ZNF407: variants seen among roughly 807,000 people sequenced by gnomAD.
ZNF407 encodes the protein zinc finger protein 407.
Under a neutral mutation model 131.2 loss-of-function variants are expected in ZNF407, and 17 were observed. That is an observed-to-expected ratio of 0.13 (90% CI 0.09 to 0.19). The LOEUF (loss-of-function observed/expected upper bound fraction) is 0.19. Among genes scored for constraint, ZNF407 ranks in the 10% least tolerant of loss-of-function variants. The pLI is 1.00. For synonymous variants in ZNF407, 1,156 were observed against 1,062.0 expected (o/e 1.09, Z -1.72); for missense variants, 2,681 against 2,830.6 (o/e 0.95, Z 1.20).
At chr18:74,958,142 A>G (rs980737331) in intron 8 of ZNF407, among the ~76,000 whole-genome samples, 1 of 152,176 alleles carries the variant, frequency 6.6e-6, no homozygotes, top group Non-Finnish European at 1.5e-5. Context: ...TTGAGTATTC[A>G]TTCCTTCATT....
chr18:74,911,534 T>A (rs1471173895), intron 7 of ZNF407, among the ~76,000 whole-genome samples: 1 of 152,196 alleles, frequency 6.6e-6, no homozygotes, highest in Non-Finnish European at 1.5e-5. Context: ...ATTCAACTGT[T>A]TTGTGTTGTT....
intron 3 of ZNF407, among the ~76,000 whole-genome samples, chr18:74,772,922 G>A (rs903424982): frequency 2.6e-5 from 4 of 152,154 alleles, no homozygotes; most frequent in Non-Finnish European, 2.9e-5. Flanking sequence ...AATTGATGAT[G>A]TATGAACATG....
At chr18:74,706,940 CTTTTTTTTTTTTTTTT>C (rs34700805) in intron 3 of ZNF407, among the ~76,000 whole-genome samples, 8 of 132,338 alleles carry the variant, frequency 6.0e-5, no homozygotes, top group Non-Finnish European at 4.8e-5. Flanking sequence ...AAGACAGCAG[CTTTTTTTTTTTTTTTT>C]TTTTTTTTTT....
intron 3 of ZNF407, among the ~76,000 whole-genome samples, chr18:74,645,637 T>TTGTGTGTGTGTG (rs35047949): frequency 6.2e-5 from 9 of 145,198 alleles, no homozygotes; most frequent in Admixed American, 2.8e-4. Context: ...GTAAAACTCT[T>TTGTGTGTGTGTG]TGTGTGTGTG....
At chr18:74,980,393 C>A (rs1489713808) in intron 8 of ZNF407, among the ~76,000 whole-genome samples, 1 of 151,992 alleles carries the variant, frequency 6.6e-6, no homozygotes, top group Non-Finnish European at 1.5e-5. Context: ...CTACATCAGC[C>A]TCCCAGGTTC....
At chr18:75,040,936 C>T (rs953750909) in intron 8 of ZNF407, among the ~76,000 whole-genome samples, 1 of 152,104 alleles carries the variant, frequency 6.6e-6, no homozygotes, top group Non-Finnish European at 1.5e-5. Flanking sequence ...GTGTCCTGCT[C>T]GTGAAGTAGG....
chr18:74,948,574 T>G (rs1464458864), intron 8 of ZNF407, among the ~76,000 whole-genome samples: 4 of 152,238 alleles, frequency 2.6e-5, no homozygotes, highest in Non-Finnish European at 4.4e-5. Flanking sequence ...AGTTAATTTA[T>G]CATTTTTACA....
rs536298160 is a variant in ZNF407 at position 74,648,737 on chromosome 18, G to A, written c.4802+7615G>A. 4.2e-4 allele frequency among the ~76,000 whole-genome samples: 64 copies of A among 152,306 alleles called. 1 individual carries two copies. The highest frequency in any genetic ancestry group is 3.4e-3 in the Middle Eastern group (1 of 294). ...TAATTAAGAGGACATATGCAGTTAC[G>A]TAGCCGTGCTACCTATGTCCACATG... On this transcript the variant is annotated intron_variant, in intron 3 of 8. Transcript: ENST00000299687.
intron 3 of ZNF407, among the ~76,000 whole-genome samples, chr18:74,657,887 A>G (rs1286685346): frequency 7.0e-6 from 1 of 143,292 alleles, no homozygotes; most frequent in Non-Finnish European, 1.5e-5. Context: ...CTTGCTCTCT[A>G]CTTCTCCTTT....
chr18:74,740,922 C>T (rs1478466942), intron 3 of ZNF407, among the ~76,000 whole-genome samples: 1 of 152,146 alleles, frequency 6.6e-6, no homozygotes, highest in African/African-American at 2.4e-5. Flanking sequence ...GTGATTATTG[C>T]TAGAACTCCC....
At chr18:74,620,556 G>T (rs879052031) in intron 1 of ZNF407, among the ~76,000 whole-genome samples, 127,112 of 152,148 alleles carry the variant, frequency 0.84, 53,359 homozygotes, top group Middle Eastern at 0.9. Context: ...GAATAGAAAC[G>T]ATATTCTATT....
chr18:74,644,408 G>A (rs1984872495), intron 3 of ZNF407, among the ~76,000 whole-genome samples: 2 of 151,534 alleles, frequency 1.3e-5, no homozygotes, highest in Non-Finnish European at 3.0e-5. Context: ...TAATAATTTT[G>A]TGTTTAGAAA....
intron 3 of ZNF407, among the ~76,000 whole-genome samples, chr18:74,773,174 T>C (rs8087157): frequency 6.6e-6 from 1 of 152,054 alleles, no homozygotes; most frequent in Non-Finnish European, 1.5e-5. Flanking sequence ...TGAATGTATA[T>C]GAACAAATAT....
chr18:74,755,728 C>CCTTTCTTTCTTTCTTTTTCTTT (rs1968927123), intron 3 of ZNF407, among the ~76,000 whole-genome samples: 1 of 63,468 alleles, frequency 1.6e-5, no homozygotes, highest in Non-Finnish European at 2.8e-5. Context: ...TTCTTTCTTT[C>CCTTTCTTTCTTTCTTTTTCTTT]CTTTCTTTCT....
At chr18:74,677,935 C>G (rs1162078545) in intron 3 of ZNF407, among the ~76,000 whole-genome samples, 1 of 152,126 alleles carries the variant, frequency 6.6e-6, no homozygotes, top group East Asian at 1.9e-4. Context: ...ATCCTTATGC[C>G]TCAGCCTCCC....
chr18:74,769,018 T>C (rs963717392), intron 3 of ZNF407, among the ~76,000 whole-genome samples: 6 of 152,142 alleles, frequency 3.9e-5, no homozygotes, highest in Non-Finnish European at 8.8e-5. Flanking sequence ...GTCATCATTA[T>C]CATCATCATT....
chr18:74,792,372 T>A (rs1290671974), intron 4 of ZNF407, among the ~76,000 whole-genome samples: 1 of 151,626 alleles, frequency 6.6e-6, no homozygotes, highest in Non-Finnish European at 1.5e-5. Context: ...AAACAATAAT[T>A]TCTCCTTTCA....
chr18:74,665,774 A>G (rs1009228920), intron 3 of ZNF407, among the ~76,000 whole-genome samples: 1 of 152,142 alleles, frequency 6.6e-6, no homozygotes, highest in Non-Finnish European at 1.5e-5. Flanking sequence ...AAGCCCCCAC[A>G]TGCTGCCACC....
intron 3 of ZNF407, among the ~76,000 whole-genome samples, chr18:74,771,194 A>G (rs976225166): frequency 6.6e-6 from 1 of 152,154 alleles, no homozygotes; most frequent in African/African-American, 2.4e-5. Context: ...TTGAGAAATA[A>G]AGATAATTAT....
Sources: allele counts gnomAD v4.1 joint callset (sites outside exome capture counted in the v4.1 genomes callset), GRCh38; gene constraint gnomAD v4.1.1; transcripts MANE v1.5; gene names NCBI Gene and HGNC (gene_info 2026-07-23, HGNC 2026-07-21).